Variants in SDK1 observed in about 807,000 individuals in gnomAD.
SDK1 encodes sidekick cell adhesion molecule 1, also known as protein sidekick-1.
Under a neutral mutation model 245.5 loss-of-function variants are expected in SDK1, and 157 were observed. The observed-to-expected ratio is 0.64, with a 90% CI of 0.56 to 0.73. The LOEUF is 0.73. Among genes scored for constraint, SDK1 ranks in the 30% least tolerant of loss-of-function variants. The pLI, the probability that SDK1 is intolerant of heterozygous loss-of-function variation, is 0.00. For synonymous variants in SDK1, 1,647 were observed against 1,278.5 expected (o/e 1.29, Z -6.15); for missense variants, 3,583 against 3,002.3 (o/e 1.19, Z -4.52).
intron 1 of SDK1, among the ~76,000 whole-genome samples, chr7:3,435,160 CTGTATTTT>C (rs1779980812): frequency 1.5e-5 from 2 of 133,330 alleles, no homozygotes; most frequent in Admixed American, 6.9e-5. Context: ...GCAAAAGTCT[CTGTATTTT>C]TTTTTTTGAA....
At chr7:3,356,739 C>T (rs763786545) in intron 1 of SDK1, among the ~76,000 whole-genome samples, 4 of 152,012 alleles carry the variant, frequency 2.6e-5, no homozygotes, top group Non-Finnish European at 4.4e-5. Context: ...TTTTAGAGAT[C>T]CCTGCGTTCT....
intron 1 of SDK1, among the ~76,000 whole-genome samples, chr7:3,605,335 T>C (rs1583218235): frequency 6.6e-6 from 1 of 152,240 alleles, no homozygotes. Context: ...TCAGTGCTTA[T>C]TAGATTGTTT....
chr7:3,869,139 T>A (rs946157476), intron 5 of SDK1, among the ~76,000 whole-genome samples: 1 of 151,552 alleles, frequency 6.6e-6, no homozygotes, highest in African/African-American at 2.4e-5. Flanking sequence ...TTGGCACAGT[T>A]GTATTTTTCA....
intron 4 of SDK1, among the ~76,000 whole-genome samples, chr7:3,782,055 T>G (rs1780762279): frequency 6.6e-6 from 1 of 152,314 alleles, no homozygotes; most frequent in East Asian, 1.9e-4. Flanking sequence ...TACCCATGTT[T>G]TAGGCTGTTG....
At chr7:3,478,329 C>T (rs919449071) in intron 1 of SDK1, among the ~76,000 whole-genome samples, 2 of 151,840 alleles carry the variant, frequency 1.3e-5, no homozygotes, top group Non-Finnish European at 2.9e-5. Flanking sequence ...GAGATAGATT[C>T]ACTCCATCCC....
intron 1 of SDK1, among the ~76,000 whole-genome samples, chr7:3,333,231 C>A (rs1780114478): frequency 6.6e-6 from 1 of 151,966 alleles, no homozygotes; most frequent in Non-Finnish European, 1.5e-5. Context: ...GTCAATATGG[C>A]CGGTTATTGG....
intron 32 of SDK1, among the ~76,000 whole-genome samples, chr7:4,163,471 T>C (rs671475): frequency 2.6e-5 from 4 of 151,690 alleles, no homozygotes; most frequent in Non-Finnish European, 5.9e-5. Flanking sequence ...CTGTGGAAAG[T>C]GGGGGCTGCG....
chr7:3,746,102 G>T (rs149697177), intron 4 of SDK1, among the ~76,000 whole-genome samples: 33 of 152,288 alleles, frequency 2.2e-4, no homozygotes, highest in African/African-American at 7.0e-4. Flanking sequence ...TTGTGGGTTT[G>T]CTCCAGACTA....
chr7:4,197,978 C>T (rs766117169), intron 35 of SDK1, among the ~76,000 whole-genome samples: 1 of 152,214 alleles, frequency 6.6e-6, no homozygotes, highest in Non-Finnish European at 1.5e-5. Context: ...TCCAGGAATG[C>T]TCAGCTCATC....
intron 14 of SDK1, among the ~76,000 whole-genome samples, chr7:4,000,364 G>A (rs532057828): frequency 1.3e-4 from 20 of 152,312 alleles, no homozygotes; most frequent in African/African-American, 3.6e-4. Context: ...TCTGCTTTCT[G>A]AAGCACGGCT....
chr7:3,323,708 C>A (rs1190263812), intron 1 of SDK1, among the ~76,000 whole-genome samples: 1 of 152,196 alleles, frequency 6.6e-6, no homozygotes, highest in Non-Finnish European at 1.5e-5. Context: ...GTTCATGTAC[C>A]TAGATCAGGT....
chr7:3,375,796 G>C (rs918857707), intron 1 of SDK1, among the ~76,000 whole-genome samples: 5 of 152,172 alleles, frequency 3.3e-5, no homozygotes, highest in African/African-American at 1.2e-4. Flanking sequence ...GAGGCATCTT[G>C]CCTGCAACCT....
At chr7:3,815,592 C>G (rs1366676981) in intron 4 of SDK1, among the ~76,000 whole-genome samples, 1 of 148,982 alleles carries the variant, frequency 6.7e-6, no homozygotes, top group Non-Finnish European at 1.5e-5. Flanking sequence ...GGTTGTGTCT[C>G]TGCCCGGCTT....
At chr7:4,175,562 CTTG>C (rs930646817) in intron 33 of SDK1, among the ~76,000 whole-genome samples, 7 of 152,196 alleles carry the variant, frequency 4.6e-5, no homozygotes, top group African/African-American at 7.2e-5. Flanking sequence ...ACTGGGGTGC[CTTG>C]TTGTTTACGA....
chr7:4,187,670 G>A (rs1056726888), intron 35 of SDK1, among the ~76,000 whole-genome samples: 6 of 152,226 alleles, frequency 3.9e-5, no homozygotes, highest in Non-Finnish European at 8.8e-5. Flanking sequence ...CAAAATGTTA[G>A]AAGAGTTTAT....
intron 1 of SDK1, among the ~76,000 whole-genome samples, chr7:3,509,052 G>GC (rs1782491907): frequency 6.6e-6 from 1 of 151,708 alleles, no homozygotes; most frequent in African/African-American, 2.4e-5. Context: ...TATCAGGGCA[G>GC]CCTAAGGAAG....
intron 40 of SDK1, among the ~76,000 whole-genome samples, chr7:4,224,048 G>A (rs1386294361): frequency 2.0e-5 from 3 of 152,102 alleles, no homozygotes; most frequent in East Asian, 3.9e-4. Context: ...GAACCACGTC[G>A]CTAAACAAGT....
chr7:4,122,171 A>C (rs899623042), intron 25 of SDK1, among the ~76,000 whole-genome samples: 4 of 152,232 alleles, frequency 2.6e-5, no homozygotes, highest in Admixed American at 1.3e-4. Flanking sequence ...TGGAGATTTC[A>C]CAGCCTTCTT....
intron 5 of SDK1, among the ~76,000 whole-genome samples, chr7:3,905,399 T>C (rs973175092): frequency 1.3e-5 from 2 of 152,212 alleles, no homozygotes; most frequent in South Asian, 2.1e-4. Flanking sequence ...TATTTCACTT[T>C]CTTTCAATCC....
Sources: allele counts gnomAD v4.1 joint callset (sites outside exome capture counted in the v4.1 genomes callset), GRCh38; gene constraint gnomAD v4.1.1; transcripts MANE v1.5; gene names NCBI Gene and HGNC (gene_info 2026-07-23, HGNC 2026-07-21).